Variants in LRRFIP2 observed in about 807,000 individuals in gnomAD.
The protein encoded by LRRFIP2 is leucine-rich repeat flightless-interacting protein 2.
In LRRFIP2, 109 loss-of-function variants were observed where a neutral mutation model predicts 125.9. That is an observed-to-expected ratio of 0.87 (90% confidence interval 0.74 to 1.01). The LOEUF (loss-of-function observed/expected upper bound fraction) is 1.01, where lower values mean the gene tolerates loss of function less well. Among genes scored for constraint, LRRFIP2 ranks in the 50% least tolerant of loss-of-function variants. LRRFIP2 has a pLI of 0.00. For synonymous variants in LRRFIP2, 291 were observed against 293.1 expected, an observed-to-expected ratio of 0.99 and a Z score of 0.07; for missense variants, 850 against 862.3, an observed-to-expected ratio of 0.99 and a Z score of 0.18.
intron 17 of LRRFIP2, among the ~76,000 whole-genome samples, chr3:37,092,655 C>A (rs1197263224): frequency 1.3e-5 from 2 of 152,212 alleles, no homozygotes; most frequent in African/African-American, 4.8e-5. Context: ...CAACTTTCCA[C>A]CCTGGCATTT....
chr3:37,114,382 C>T (rs2094682652), intron 7 of LRRFIP2, among the ~76,000 whole-genome samples: 1 of 152,154 alleles, frequency 6.6e-6, no homozygotes, highest in South Asian at 2.1e-4. Flanking sequence ...TGACATATGA[C>T]ATAAAACACA....
chr3:37,161,400 C>T (rs977363258), intron 1 of LRRFIP2, among the ~76,000 whole-genome samples: 1 of 151,952 alleles, frequency 6.6e-6, no homozygotes, highest in Middle Eastern at 3.2e-3. Context: ...ACTCGTGCTA[C>T]ATACAACAAG....
intron 2 of LRRFIP2, among the ~76,000 whole-genome samples, chr3:37,137,918 A>G (rs987377261): frequency 2.0e-5 from 3 of 152,026 alleles, no homozygotes; most frequent in Non-Finnish European, 2.9e-5. Flanking sequence ...TTCCTTAACA[A>G]ATCTTCCTTT....
At chr3:37,167,709 A>G (rs1237269820) in intron 1 of LRRFIP2, among the ~76,000 whole-genome samples, 1 of 145,962 alleles carries the variant, frequency 6.9e-6, no homozygotes, top group Non-Finnish European at 1.5e-5. Context: ...CGGGACCAGG[A>G]ACAATGGCTC....
intron 18 of LRRFIP2, among the ~76,000 whole-genome samples, chr3:37,087,939 A>G (rs1398487794): frequency 6.6e-6 from 1 of 152,216 alleles, no homozygotes; most frequent in Admixed American, 6.5e-5. Context: ...CCAGATCAGC[A>G]GCAACAGCAT....
At chr3:37,120,255 C>T (rs541320485) in intron 6 of LRRFIP2, among the ~76,000 whole-genome samples, 37 of 151,664 alleles carry the variant, frequency 2.4e-4, no homozygotes, top group African/African-American at 7.5e-4. Context: ...TACAGGCATG[C>T]GCCACCACAC....
chr3:37,104,866 GCA>G lies in LRRFIP2; in HGVS notation c.783+587_783+588del, dbSNP rs568230351. On this transcript the variant is annotated intron_variant, in intron 14 of 27. Transcript: ENST00000336686. Reference sequence around the variant, plus strand: ...TCTTTTTTTTTTTTTCTTTTGAGAGGCACAGTCTCACTTTGCTACCCACACTG... The same window carrying G: ...TCTTTTTTTTTTTTTCTTTTGAGAGGCAGTCTCACTTTGCTACCCACACTG... Among the ~76,000 whole-genome samples, 146 of 150,786 alleles carry G rather than the reference GCA, an allele frequency of 9.7e-4. 2 individuals carry two copies. Among genetic ancestry groups the G allele is most frequent in the Admixed American group, 2.4e-3 (36 of 15,166 alleles).
intron 14 of LRRFIP2, 82 bp downstream of exon 14, chr3:37,105,373 C>G: frequency 8.6e-7 from 1 of 1,161,430 alleles, no homozygotes. Context: ...ATGCAAACTT[C>G]ACTTTCCAAC....
In LRRFIP2 at chr3:37,161,355, C is replaced by CAAGA. The variant is rs574656279; in HGVS notation, c.-55-12321_-55-12318dup. 4.0e-5 allele frequency among the ~76,000 whole-genome samples: 6 copies of CAAGA among 150,746 alleles called. No homozygotes were observed. The East Asian group carries it at 5.8e-4, about 15-fold the overall frequency. On this transcript the variant is annotated intron_variant, in intron 1 of 27. Coordinates refer to ENST00000336686, the MANE Select transcript of LRRFIP2 (RefSeq NM_006309.4). ...GCCTGGGCAAAAAGCAAGACTGTTTCAAGAAAGAAAGAAAAAAAAAGGAAT... is the reference window on the plus strand; with the variant it reads ...GCCTGGGCAAAAAGCAAGACTGTTTCAAGAAAGAAAGAAAGAAAAAAAAAGGAAT...
intron 1 of LRRFIP2, among the ~76,000 whole-genome samples, chr3:37,152,043 T>G (rs1167808529): frequency 6.6e-6 from 1 of 152,100 alleles, no homozygotes; most frequent in African/African-American, 2.4e-5. Context: ...AATTCACAAT[T>G]GCAAAGATAC....
chr3:37,053,970 A>G lies in LRRFIP2; in HGVS notation c.2056-9T>C, dbSNP rs779649876. On this transcript the variant is annotated splice_polypyrimidine_tract_variant and intron_variant, in intron 27 of 27. Transcript: ENST00000336686. ...TCCAGTGCTGTTCGTAACTGGAGACAGGGAGAATGCAGTCACTACATGTGG... is the reference window on the plus strand; with the variant it reads ...TCCAGTGCTGTTCGTAACTGGAGACGGGGAGAATGCAGTCACTACATGTGG... The G allele has an allele frequency of 6.7e-7, 1 of 1,496,948 alleles. No individual in the cohort carries two copies. Among genetic ancestry groups the G allele is most frequent in the Non-Finnish European group, 9.3e-7 (1 of 1,072,992 alleles). 92.7% of individuals were successfully genotyped at this position (1,496,948 alleles called of 1,614,324 possible).
chr3:37,070,114 C>CT (rs528717261), intron 21 of LRRFIP2, among the ~76,000 whole-genome samples: 48,804 of 136,968 alleles, frequency 0.36, 9,419 homozygotes, highest in Non-Finnish European at 0.45. Flanking sequence ...TAAATTTCCT[C>CT]TTTTTTTTTT....
chr3:37,109,357 T>C (rs1006358884), intron 11 of LRRFIP2, among the ~76,000 whole-genome samples, 170 bp downstream of exon 11: 3 of 152,222 alleles, frequency 2.0e-5, no homozygotes, highest in African/African-American at 7.2e-5. Flanking sequence ...TGTTCATTTT[T>C]AATACCCTAA....
chr3:37,102,947 TATC>T lies in LRRFIP2; in HGVS notation c.847_849del (p.Asp283del), dbSNP rs2094142648. The T allele has an allele frequency of 1.9e-6, 3 of 1,563,640 alleles. No homozygotes were observed. The highest frequency in any genetic ancestry group is 1.4e-5 in the African/African-American group (1 of 73,940). ...ACGCTGGACAAATCTGGGATACTGATATCATCCACCTCAGAGACAACACTTCCC... is the reference window on the plus strand; with the variant it reads ...ACGCTGGACAAATCTGGGATACTGATATCCACCTCAGAGACAACACTTCCC... On this transcript the variant is annotated inframe_deletion, in exon 15 of 28. Transcript: ENST00000336686.
chr3:37,112,982 TG>T lies in LRRFIP2; in HGVS notation c.373-3del. On this transcript the variant is annotated splice_polypyrimidine_tract_variant and splice_region_variant and intron_variant, in intron 7 of 27. Coordinates refer to ENST00000336686, the MANE Select transcript of LRRFIP2 (RefSeq NM_006309.4). ...ATGAGAGTGACTGTAAGAATGATTC[TG>T]GAAGTAAATATTCCAAGTTAACTTC... 1 of 1,552,490 alleles carries T rather than the reference TG, an allele frequency of 6.4e-7. No individual in the cohort carries two copies. The highest frequency in any genetic ancestry group is 8.8e-7 in the Non-Finnish European group (1 of 1,133,358).
intron 1 of LRRFIP2, among the ~76,000 whole-genome samples, chr3:37,161,344 C>T (rs1297591518): frequency 6.6e-6 from 1 of 151,326 alleles, no homozygotes; most frequent in Non-Finnish European, 1.5e-5. Flanking sequence ...GGGCAAAAAG[C>T]AAGACTGTTT....
At position 37,110,978 on chromosome 3, in the gene LRRFIP2, A is replaced by C; in HGVS notation, c.513+13T>G. The C allele has an allele frequency of 1.2e-6, 2 of 1,611,864 alleles. No homozygotes were observed. The highest frequency in any genetic ancestry group is 2.7e-5 in the African/African-American group (2 of 74,940). On this transcript the variant is annotated intron_variant, in intron 9 of 27. Transcript: ENST00000336686. The stretch of plus-strand genomic sequence containing the variant: ...TGAATCAAACACATAAAGCCAAAAA[A>C]GTTTAGACAAACCCGAGTGTAGTAG...
intron 7 of LRRFIP2, among the ~76,000 whole-genome samples, chr3:37,114,535 C>A (rs999702642): frequency 6.6e-6 from 1 of 152,164 alleles, no homozygotes; most frequent in Non-Finnish European, 1.5e-5. Context: ...GTAATCCCAT[C>A]ACTTTGGGAG....
At chr3:37,069,122 C>T (rs185913085) in intron 21 of LRRFIP2, among the ~76,000 whole-genome samples, 144 of 152,184 alleles carry the variant, frequency 9.5e-4, no homozygotes, top group Non-Finnish European at 1.7e-3. Flanking sequence ...AAATTGGAAC[C>T]CTTGTTCACT....
Sources: gnomAD v4.1 joint callset for allele counts (sites outside exome capture counted in the v4.1 genomes callset) on GRCh38, gnomAD v4.1.1 for gene constraint, MANE v1.5 for transcripts, NCBI Gene and HGNC (gene_info 2026-07-23, HGNC 2026-07-21) for gene names.